SYK: variants seen among roughly 807,000 people sequenced by gnomAD.
The protein encoded by SYK is tyrosine-protein kinase SYK.
SYK carries 16 observed loss-of-function variants against 77.8 expected under a neutral mutation model. The ratio of observed to expected loss-of-function variants is 0.21; its 90% CI spans 0.14 to 0.31. The LOEUF (loss-of-function observed/expected upper bound fraction) is 0.31, where lower values mean the gene tolerates loss of function less well. Among genes scored for constraint, SYK ranks in the 10% least tolerant of loss-of-function variants. SYK has a pLI of 1.00. For synonymous variants in SYK, 312 were observed against 308.7 expected (o/e 1.01, Z -0.11); for missense variants, 529 against 814.4 (o/e 0.65, Z 4.26).
intron 11 of SYK, among the ~76,000 whole-genome samples, chr9:90,886,176 G>A (rs184547457): frequency 1.3e-5 from 2 of 152,112 alleles, no homozygotes; most frequent in African/African-American, 4.8e-5. Flanking sequence ...CTCAAAAGAA[G>A]ATATACAAAT....
chr9:90,879,793 G>T (rs1384005678), intron 11 of SYK, among the ~76,000 whole-genome samples: 3 of 151,814 alleles, frequency 2.0e-5, no homozygotes, highest in Non-Finnish European at 4.4e-5. Context: ...ACATAAAGTA[G>T]AAACTAGTTC....
chr9:90,892,809 C>T (rs970743471), intron 13 of SYK, among the ~76,000 whole-genome samples: 1 of 152,204 alleles, frequency 6.6e-6, no homozygotes. Context: ...GGGCCTCTGC[C>T]GAATGGAGAA....
intron 6 of SYK, 78 bp downstream of exon 6, chr9:90,865,175 G>C: frequency 7.2e-7 from 1 of 1,390,996 alleles, no homozygotes; most frequent in East Asian, 2.3e-5. Flanking sequence ...TAGCTAACAG[G>C]AGTAGTAGGC....
intron 1 of SYK, among the ~76,000 whole-genome samples, chr9:90,809,940 T>A (rs1825013200): frequency 6.6e-6 from 1 of 152,010 alleles, no homozygotes; most frequent in African/African-American, 2.4e-5. Flanking sequence ...GGGACTTCAA[T>A]GATTTGGTCA....
intron 6 of SYK, among the ~76,000 whole-genome samples, chr9:90,866,199 C>T (rs1827490108): frequency 6.6e-6 from 1 of 152,188 alleles, no homozygotes; most frequent in Non-Finnish European, 1.5e-5. Context: ...GTGCCCGGCC[C>T]ATATGGACTT....
intron 3 of SYK, among the ~76,000 whole-genome samples, chr9:90,859,701 CT>C (rs1717613570): frequency 2.0e-5 from 3 of 152,176 alleles, no homozygotes; most frequent in Admixed American, 2.0e-4. Flanking sequence ...CCCATTTATG[CT>C]CCCACAAGCA....
chr9:90,859,264 CT>C (rs1211174941), intron 3 of SYK, among the ~76,000 whole-genome samples: 1 of 152,210 alleles, frequency 6.6e-6, no homozygotes, highest in African/African-American at 2.4e-5. Context: ...CTCCTGAACT[CT>C]TGTGTTCATC....
intron 1 of SYK, among the ~76,000 whole-genome samples, chr9:90,826,726 A>G (rs1443195851): frequency 6.6e-6 from 1 of 152,170 alleles, no homozygotes; most frequent in Admixed American, 6.5e-5. Context: ...GGAGGATGTC[A>G]CAGACTGCAG....
intron 6 of SYK, 124 bp from the exon 7 acceptor site, chr9:90,867,007 G>T (rs1048685111): frequency 5.0e-6 from 5 of 999,362 alleles, no homozygotes; most frequent in Non-Finnish European, 6.2e-6. Flanking sequence ...CGATCTCATT[G>T]GCAGGGACAG....
chr9:90,859,876 G>A (rs749895986), intron 3 of SYK, among the ~76,000 whole-genome samples: 7 of 152,340 alleles, frequency 4.6e-5, no homozygotes, highest in Non-Finnish European at 8.8e-5. Flanking sequence ...GGAAACCTGT[G>A]CTTGTCTGTC....
At chr9:90,863,866 G>A (rs987545472) in intron 4 of SYK, among the ~76,000 whole-genome samples, 3 of 152,136 alleles carry the variant, frequency 2.0e-5, no homozygotes, top group Non-Finnish European at 2.9e-5. Flanking sequence ...CATTTCAAAG[G>A]CTGAGCACTC....
intron 1 of SYK, among the ~76,000 whole-genome samples, chr9:90,840,628 A>G (rs1434968089): frequency 1.3e-5 from 2 of 151,964 alleles, no homozygotes; most frequent in African/African-American, 4.8e-5. Flanking sequence ...CAAGAGACTC[A>G]TCAGCACACT....
intron 1 of SYK, among the ~76,000 whole-genome samples, chr9:90,817,715 A>G (rs4744505): frequency 0.65 from 98,219 of 151,890 alleles, 31,839 homozygotes; most frequent in Admixed American, 0.7. Flanking sequence ...TTCTCCTGTT[A>G]CTTCTCTTCT....
chr9:90,867,803 T>C (rs1195131137), intron 7 of SYK, among the ~76,000 whole-genome samples: 1 of 152,234 alleles, frequency 6.6e-6, no homozygotes, highest in Non-Finnish European at 1.5e-5. Context: ...TTTGTTCTAT[T>C]ATTGGATTTT....
intron 11 of SYK, among the ~76,000 whole-genome samples, chr9:90,887,175 C>G (rs935101893): frequency 7.9e-5 from 12 of 152,130 alleles, no homozygotes; most frequent in Non-Finnish European, 1.8e-4. Flanking sequence ...TGCCTCCAGG[C>G]CCTATTCTCC....
intron 1 of SYK, among the ~76,000 whole-genome samples, chr9:90,828,376 A>G (rs939511574): frequency 2.6e-5 from 4 of 152,102 alleles, no homozygotes; most frequent in Non-Finnish European, 4.4e-5. Context: ...TAAAAGCAAT[A>G]TAGTAAGATC....
In SYK at chr9:90,865,213, A is replaced by G. The variant is rs911582131; in HGVS notation, c.846+116A>G. The G allele has an allele frequency of 9.9e-6, 10 of 1,006,294 alleles. No individual in the cohort carries two copies. In the African/African-American group the frequency reaches 1.1e-4, roughly 11 times the overall value. The allele number at this position is 1,006,294 out of a possible 1,614,324, so 62.3% of individuals were successfully genotyped here. On this transcript the variant is annotated intron_variant, in intron 6 of 13. Coordinates refer to ENST00000375754, the MANE Select transcript of SYK (RefSeq NM_003177.7). ...TGATATTTTGATTGCGCTTCAAAAC[A>G]TACTCCGTGATGAGCTGGGATTGCT...
At chr9:90,856,681 T>C (rs1587870398) in intron 3 of SYK, among the ~76,000 whole-genome samples, 1 of 152,230 alleles carries the variant, frequency 6.6e-6, no homozygotes, top group East Asian at 1.9e-4. Context: ...GGTTCCGTTT[T>C]TTATTTTGTT....
At chr9:90,861,203 A>T (rs1236635229) in intron 3 of SYK, among the ~76,000 whole-genome samples, 1 of 151,914 alleles carries the variant, frequency 6.6e-6, no homozygotes, top group South Asian at 2.1e-4. Context: ...CTTCCAGGGG[A>T]TCTCTCACCT....
Sources: gnomAD v4.1 joint callset for allele counts (sites outside exome capture counted in the v4.1 genomes callset) on GRCh38, gnomAD v4.1.1 for gene constraint, MANE v1.5 for transcripts, NCBI Gene and HGNC (gene_info 2026-07-23, HGNC 2026-07-21) for gene names.